The following PLEKHA8 variants were observed in gnomAD, a reference collection of about 807,000 sequenced individuals.
PLEKHA8 encodes the protein pleckstrin homology domain containing A8, also known as pleckstrin homology domain-containing family A member 8.
A neutral mutation model predicts 68.2 loss-of-function variants in PLEKHA8; 36 were observed. The observed-to-expected ratio is 0.53, with a 90% confidence interval of 0.40 to 0.70. The LOEUF is 0.70. PLEKHA8 is among the 30% of genes least tolerant of loss of function. The probability of loss-of-function intolerance (pLI) is 0.00; values close to 1 mark genes in which losing one functional copy is unlikely to be tolerated. For synonymous variants in PLEKHA8, 211 were observed against 216.1 expected (o/e 0.98, Z 0.20); for missense variants, 505 against 615.4 (o/e 0.82, Z 1.90).
intron 13 of PLEKHA8, among the ~76,000 whole-genome samples, chr7:30,128,508 T>C (rs1046885930): frequency 6.6e-6 from 1 of 152,236 alleles, no homozygotes; most frequent in Non-Finnish European, 1.5e-5. Context: ...TAATTGGAAT[T>C]ATTTATTCCA....
chr7:30,106,854 G>T (rs1316609801), intron 13 of PLEKHA8, among the ~76,000 whole-genome samples: 1 of 152,192 alleles, frequency 6.6e-6, no homozygotes, highest in African/African-American at 2.4e-5. Flanking sequence ...ATGTACGGGA[G>T]GATGCGCATA....
Position 30,074,246 on chromosome 7 carries a change from T to TTGTGTGTGTGTGTG in PLEKHA8, c.1362+128_1362+141dup, listed in dbSNP as rs149548208. 925 of 488,446 alleles carry TTGTGTGTGTGTGTG rather than the reference T, an allele frequency of 1.9e-3. 2 individuals are homozygous for TTGTGTGTGTGTGTG. Among genetic ancestry groups the TTGTGTGTGTGTGTG allele is most frequent in the Middle Eastern group, 6.4e-3 (20 of 3,116 alleles). The allele number at this position is 488,446 out of a possible 1,614,324, so 30.3% of individuals were successfully genotyped here. ...CTAGTCATGATTGTCAGAAACAAAG[T>TTGTGTGTGTGTGTG]TGTGTGTGTGTGTGTGTGTGTGTGT... On this transcript the variant is annotated intron_variant, in intron 13 of 13. Transcript: ENST00000449726.
chr7:30,089,703 T>C (rs901172591), intron 12 of PLEKHA8, among the ~76,000 whole-genome samples: 3 of 151,936 alleles, frequency 2.0e-5, no homozygotes, highest in African/African-American at 4.8e-5. Flanking sequence ...GAAACCAATA[T>C]GGAAAAAAAG....
At position 30,079,289 on chromosome 7, in the gene PLEKHA8, C is replaced by T; in HGVS notation, c.*502C>T. ...CTTCAGTGGACCCTCTTCACTGCAA[C>T]TCTGTCAGTGATAAGGGCCTGTGTA... On this transcript the variant is annotated 3_prime_UTR_variant, in exon 14 of 14. Coordinates refer to ENST00000449726, the MANE Select transcript of PLEKHA8 (RefSeq NM_001197026.2). 1.0e-6 allele frequency: 1 copy of T among 988,856 alleles called. No individual in the cohort carries two copies. The highest frequency in any genetic ancestry group is 1.2e-6 in the Non-Finnish European group (1 of 832,220). The allele number at this position is 988,856 out of a possible 1,614,324, so 61.3% of individuals were successfully genotyped here.
At chr7:30,043,536 T>C (rs1714658034) in intron 1 of PLEKHA8, among the ~76,000 whole-genome samples, 1 of 152,184 alleles carries the variant, frequency 6.6e-6, no homozygotes, top group Non-Finnish European at 1.5e-5. Flanking sequence ...GAGTGGATGC[T>C]GGGAATTAGT....
chr7:30,120,963 G>GAAAA (rs1380861039), intron 13 of PLEKHA8, among the ~76,000 whole-genome samples: 6 of 152,100 alleles, frequency 3.9e-5, no homozygotes, highest in Non-Finnish European at 4.4e-5. Flanking sequence ...TTTGCTGGAG[G>GAAAA]AATACTAGTA....
chr7:30,030,719 C>T (rs1289006172), intron 1 of PLEKHA8, among the ~76,000 whole-genome samples: 1 of 152,150 alleles, frequency 6.6e-6, no homozygotes, highest in South Asian at 2.1e-4. Flanking sequence ...AATGATGGTT[C>T]GGCATATTCT....
chr7:30,080,815 C>A lies in PLEKHA8; in HGVS notation c.*2028C>A. 1.0e-6 allele frequency: 1 copy of A among 985,314 alleles called. No homozygotes were observed. 61.0% of individuals were successfully genotyped at this position (985,314 alleles called of 1,614,324 possible). A position where few individuals can be genotyped will look rare whatever the true frequency, so the allele number is the denominator to read the frequency against. On this transcript the variant is annotated 3_prime_UTR_variant, in exon 14 of 14. Transcript: ENST00000449726. ...TGGCAGGACTCGGGGATAGTCCCTG[C>A]CCTTGACATAGCCCCCTAAAACGGA... is the stretch of plus-strand genomic sequence containing the variant.
At chr7:30,121,886 A>G (rs560115850) in intron 13 of PLEKHA8, among the ~76,000 whole-genome samples, 9 of 152,326 alleles carry the variant, frequency 5.9e-5, no homozygotes, top group African/African-American at 1.9e-4. Context: ...TTTCCTGCCC[A>G]GGCCTAGAGT....
downstream of PLEKHA8, among the ~76,000 whole-genome samples, chr7:30,089,302 T>A (rs1276345901): frequency 6.6e-6 from 1 of 152,132 alleles, no homozygotes. Flanking sequence ...TCTCATGCTG[T>A]TCTGGCCACC....
Position 30,078,661 on chromosome 7 carries a change from G to A in PLEKHA8, c.1434G>A (p.Gln478=). The A allele has an allele frequency of 1.2e-6, 2 of 1,613,886 alleles. No individual in the cohort carries two copies. The highest frequency in any genetic ancestry group is 1.7e-6 in the Non-Finnish European group (2 of 1,179,860). ...AALTVKEGDH[Q]KEAFSIGMQR... is the part of the protein sequence containing the mutation. ...TAACCGTAAAGGAAGGTGACCACCAGAAAGAAGCTTTCAGTATTGGGATGC... is the reference window on the plus strand; with the variant it reads ...TAACCGTAAAGGAAGGTGACCACCAAAAAGAAGCTTTCAGTATTGGGATGC... The change falls in exon 14 of 14, where the codon CAG becomes CAA. Residue 478 remains glutamine (Q), a synonymous_variant. Coordinates refer to ENST00000449726, the MANE Select transcript of PLEKHA8 (RefSeq NM_001197026.2).
intron 13 of PLEKHA8, chr7:30,116,013 C>T (rs1397737678): frequency 2.7e-5 from 4 of 146,162 alleles, no homozygotes; most frequent in South Asian, 2.2e-4. Context: ...CGCATACATA[C>T]GCATACATAC....
chr7:30,043,769 G>A (rs1457471199), intron 1 of PLEKHA8, among the ~76,000 whole-genome samples: 3 of 152,172 alleles, frequency 2.0e-5, no homozygotes, highest in African/African-American at 7.2e-5. Context: ...AGGAAGTTCA[G>A]TAGCCTCCTA....
rs540371918 is a variant in PLEKHA8 at position 30,098,556 on chromosome 7, T to C, written c.1362+24424T>C. 4.1e-4 allele frequency among the ~76,000 whole-genome samples: 63 copies of C among 152,370 alleles called. 1 individual carries two copies. Among genetic ancestry groups the C allele is most frequent in the African/African-American group, 1.4e-3 (57 of 41,594 alleles). On this transcript the variant is annotated intron_variant, in intron 13 of 13. Transcript: ENST00000396257. ...GCAGGTGCCCGTCCCCCAGCCTCGC[T>C]GCCGCCTTGCAGTTTGATCTCAGAC...
At chr7:30,061,198 C>T (rs557532867) in intron 10 of PLEKHA8, among the ~76,000 whole-genome samples, 14 of 152,184 alleles carry the variant, frequency 9.2e-5, no homozygotes, top group South Asian at 4.2e-4. Flanking sequence ...TCATGTGCAC[C>T]GTGTGGATCA....
intron 13 of PLEKHA8, among the ~76,000 whole-genome samples, chr7:30,115,609 T>C (rs1446493733): frequency 2.0e-5 from 3 of 151,758 alleles, no homozygotes; most frequent in African/African-American, 4.8e-5. Flanking sequence ...TACATACATT[T>C]ATACATGCAC....
downstream of PLEKHA8, among the ~76,000 whole-genome samples, chr7:30,085,868 T>G (rs1479827298): frequency 6.6e-6 from 1 of 152,138 alleles, no homozygotes; most frequent in Non-Finnish European, 1.5e-5. Flanking sequence ...GGAAGGATGG[T>G]GTAGGCACAC....
chr7:30,028,859 C>T (rs1208000896), intron 1 of PLEKHA8, 57 bp downstream of exon 1: 1 of 1,246,148 alleles, frequency 8.0e-7, no homozygotes. Context: ...GTCTGCGCGG[C>T]TGGAGGGCGG....
chr7:30,055,166 G>A (rs998256999), intron 8 of PLEKHA8, 91 bp from the exon 9 acceptor site: 2 of 1,136,384 alleles, frequency 1.8e-6, no homozygotes, highest in Admixed American at 1.7e-5. Flanking sequence ...GCCCTACAGA[G>A]AGGCAGCTGT....
Sources: allele counts gnomAD v4.1 joint callset (sites outside exome capture counted in the v4.1 genomes callset), GRCh38; gene constraint gnomAD v4.1.1; transcripts MANE v1.5; gene names NCBI Gene and HGNC (gene_info 2026-07-23, HGNC 2026-07-21).